The following ADCY2 variants were observed in gnomAD, a reference collection of about 807,000 sequenced individuals.
ADCY2 encodes the protein adenylate cyclase type 2.
A neutral mutation model predicts 125.2 loss-of-function variants in ADCY2; 31 were observed. The ratio of observed to expected loss-of-function variants is 0.25; its 90% confidence interval spans 0.19 to 0.33. ADCY2 has a LOEUF of 0.33. Among genes scored for constraint, ADCY2 ranks in the 10% least tolerant of loss-of-function variants. The pLI, the probability that ADCY2 is intolerant of heterozygous loss-of-function variation, is 1.00. For missense variants in ADCY2, 904 were observed against 1,418.2 expected, an observed-to-expected ratio of 0.64 and a Z score of 5.82; for synonymous variants, 512 against 548.4, an observed-to-expected ratio of 0.93 and a Z score of 0.93.
intron 2 of ADCY2, among the ~76,000 whole-genome samples, chr5:7,433,669 G>A (rs1160530016): frequency 6.6e-6 from 1 of 152,002 alleles, no homozygotes; most frequent in Non-Finnish European, 1.5e-5. Flanking sequence ...AAAAATGGAA[G>A]ATTTATTTTA....
intron 11 of ADCY2, among the ~76,000 whole-genome samples, chr5:7,715,473 T>C (rs1446723187): frequency 6.6e-6 from 1 of 151,386 alleles, no homozygotes; most frequent in Non-Finnish European, 1.5e-5. Flanking sequence ...AAACGTTAAA[T>C]GAAGGGTCTA....
intron 4 of ADCY2, among the ~76,000 whole-genome samples, chr5:7,639,671 G>A (rs112635670): frequency 5.9e-5 from 9 of 152,266 alleles, no homozygotes; most frequent in African/African-American, 2.2e-4. Context: ...CCTCATGACT[G>A]CTCTGGATGA....
chr5:7,515,473 G>T (rs565334283), intron 2 of ADCY2, among the ~76,000 whole-genome samples: 1 of 152,222 alleles, frequency 6.6e-6, no homozygotes, highest in African/African-American at 2.4e-5. Context: ...AACTGAGCCT[G>T]CTCCTGATTC....
intron 21 of ADCY2, 124 bp from the exon 22 acceptor site, chr5:7,804,461 A>G (rs1001440614): frequency 2.6e-6 from 2 of 758,156 alleles, no homozygotes; most frequent in African/African-American, 3.4e-5. Flanking sequence ...CCAAGGGTGC[A>G]TACGCAGTGG....
intron 2 of ADCY2, among the ~76,000 whole-genome samples, chr5:7,420,873 TTG>T (rs1292577539): frequency 6.6e-6 from 1 of 152,174 alleles, no homozygotes; most frequent in African/African-American, 2.4e-5. Context: ...GATGCTGCGA[TTG>T]TGTTTCATTT....
intron 3 of ADCY2, among the ~76,000 whole-genome samples, chr5:7,582,460 A>T (rs954278523): frequency 2.6e-5 from 4 of 152,174 alleles, no homozygotes; most frequent in Non-Finnish European, 2.9e-5. Flanking sequence ...CCTAACAAAG[A>T]TCGTAGAAAA....
chr5:7,520,938 C>T, intron 3 of ADCY2, 39 bp downstream of exon 3: 1 of 1,610,036 alleles, frequency 6.2e-7, no homozygotes, highest in Non-Finnish European at 8.5e-7. Flanking sequence ...TGACTTTCCA[C>T]ATCCCACCAG....
intron 15 of ADCY2, among the ~76,000 whole-genome samples, chr5:7,750,862 T>C (rs1742790740): frequency 6.6e-6 from 1 of 152,142 alleles, no homozygotes; most frequent in African/African-American, 2.4e-5. Flanking sequence ...GTGTATTCTC[T>C]ACCACAGACC....
chr5:7,411,099 A>G (rs1399569007), intron 1 of ADCY2, among the ~76,000 whole-genome samples: 1 of 152,200 alleles, frequency 6.6e-6, no homozygotes, highest in Non-Finnish European at 1.5e-5. Flanking sequence ...TCTTCCCATG[A>G]CACCCTCATG....
intron 23 of ADCY2, among the ~76,000 whole-genome samples, chr5:7,819,322 G>T (rs148641632): frequency 4.6e-5 from 7 of 152,150 alleles, no homozygotes; most frequent in Non-Finnish European, 8.8e-5. Context: ...ATCGCAATGG[G>T]AGAATGACCT....
intron 14 of ADCY2, among the ~76,000 whole-genome samples, chr5:7,738,070 A>T (rs1742299910): frequency 6.6e-6 from 1 of 152,198 alleles, no homozygotes; most frequent in Non-Finnish European, 1.5e-5. Flanking sequence ...GTCAGAAGGA[A>T]AAAGGAATCT....
intron 23 of ADCY2, 111 bp from the exon 24 acceptor site, chr5:7,820,454 A>C: frequency 7.2e-7 from 1 of 1,379,584 alleles, no homozygotes; most frequent in Non-Finnish European, 9.7e-7. Context: ...AGATTGCGCC[A>C]CTGCACTCCA....
intron 23 of ADCY2, among the ~76,000 whole-genome samples, chr5:7,819,449 A>G (rs763206062): frequency 1.2e-4 from 18 of 152,326 alleles, no homozygotes; most frequent in Non-Finnish European, 1.8e-4. Context: ...TTCCTGGTCT[A>G]GACTTCAGTG....
chr5:7,706,767 T>C lies in ADCY2; in HGVS notation c.1133T>C (p.Val378Ala), dbSNP rs750875345. The change falls in exon 8 of 25, where the codon GTT becomes GCT. Residue 378 changes from valine (V) to alanine (A), a missense_variant. By Grantham distance (64) the Val-to-Ala change is moderately conservative (BLOSUM62 0). Coordinates refer to ENST00000338316, the MANE Select transcript of ADCY2 (RefSeq NM_020546.3). ...AIKKVRDATG[V>A]DINMRVGVHS... ...AGGAAAGTGAGGGATGCTACTGGAG[T>C]TGATATCAACATGCGCGTGGGCGTG... 3 of 1,614,122 alleles carry C rather than the reference T, an allele frequency of 1.9e-6. No homozygotes were observed. Among genetic ancestry groups the C allele is most frequent in the South Asian group, 2.2e-5 (2 of 91,062 alleles).
rs77851938 is a variant in ADCY2 at position 7,685,227 on chromosome 5, G to C, written c.721-5464G>C. The C allele has an allele frequency of 8.8e-3, 1,346 of 152,464 alleles. 6 individuals are homozygous for C. Among genetic ancestry groups the C allele is most frequent in the Non-Finnish European group, 0.011 (778 of 68,114 alleles). 9.4% of individuals were successfully genotyped at this position (152,464 alleles called of 1,614,324 possible). On this transcript the variant is annotated intron_variant, in intron 4 of 24. Transcript: ENST00000338316. ...GGGTTCTTTCCTCTGCGTGGTGCTA[G>C]TGGTTGGGCACTTGGGTGCAGCAGG...
intron 3 of ADCY2, among the ~76,000 whole-genome samples, chr5:7,575,197 G>T (rs889212238): frequency 6.6e-6 from 1 of 151,956 alleles, no homozygotes; most frequent in African/African-American, 2.4e-5. Context: ...AAATAAAAAG[G>T]AGAAAAATGT....
At chr5:7,581,567 C>T (rs1328524228) in intron 3 of ADCY2, among the ~76,000 whole-genome samples, 1 of 151,906 alleles carries the variant, frequency 6.6e-6, no homozygotes, top group Non-Finnish European at 1.5e-5. Flanking sequence ...CACCTGTAAT[C>T]CTAGCACTTT....
chr5:7,684,134 C>T (rs1298673859), intron 4 of ADCY2, among the ~76,000 whole-genome samples: 2 of 152,310 alleles, frequency 1.3e-5, no homozygotes, highest in Non-Finnish European at 1.5e-5. Context: ...GACTTGGCTC[C>T]CCTGTGGAGC....
At chr5:7,510,389 A>T (rs963395300) in intron 2 of ADCY2, among the ~76,000 whole-genome samples, 1 of 152,220 alleles carries the variant, frequency 6.6e-6, no homozygotes, top group Admixed American at 6.5e-5. Context: ...CTATAGCAAG[A>T]GTAACTCTGA....
Sources: allele counts gnomAD v4.1 joint callset (sites outside exome capture counted in the v4.1 genomes callset), GRCh38; gene constraint gnomAD v4.1.1; transcripts MANE v1.5; gene names NCBI Gene and HGNC (gene_info 2026-07-23, HGNC 2026-07-21).